IMPG1: variants seen among roughly 807,000 people sequenced by gnomAD.
The protein encoded by IMPG1 is interphotoreceptor matrix proteoglycan of 150 kDa.
Under a neutral mutation model 92.0 loss-of-function variants are expected in IMPG1, and 85 were observed. That is an observed-to-expected ratio of 0.92 (90% CI 0.78 to 1.11). IMPG1 has a LOEUF of 1.11. Among genes scored for constraint, IMPG1 ranks in the 50% least tolerant of loss-of-function variants. The probability of loss-of-function intolerance (pLI) is 0.00; values close to 1 mark genes in which losing one functional copy is unlikely to be tolerated. For missense variants in IMPG1, 1,022 were observed against 956.0 expected (o/e 1.07, Z -0.91); for synonymous variants, 367 against 334.1 (o/e 1.10, Z -1.08).
At chr6:76,067,371 C>A (rs1032656032) in intron 1 of IMPG1, among the ~76,000 whole-genome samples, 30 of 151,970 alleles carry the variant, frequency 2.0e-4, no homozygotes, top group African/African-American at 7.2e-4. Flanking sequence ...ACTGATACCA[C>A]AGAAATACAA....
chr6:76,059,058 T>C (rs1784164174), intron 1 of IMPG1, among the ~76,000 whole-genome samples: 1 of 152,164 alleles, frequency 6.6e-6, no homozygotes, highest in South Asian at 2.1e-4. Flanking sequence ...GAGGGACTGA[T>C]GTTTTGATAA....
At chr6:75,941,996 C>T (rs536312719) in intron 14 of IMPG1, among the ~76,000 whole-genome samples, 211 of 152,212 alleles carry the variant, frequency 1.4e-3, no homozygotes, top group Middle Eastern at 3.4e-3. Context: ...GTGGGAGGAC[C>T]TTCTTACCCT....
intron 12 of IMPG1, among the ~76,000 whole-genome samples, chr6:75,978,035 C>T (rs1782568526): frequency 6.6e-6 from 1 of 152,066 alleles, no homozygotes; most frequent in African/African-American, 2.4e-5. Flanking sequence ...AGCAGTCCTC[C>T]CGCCTTAGCT....
Position 75,924,737 on chromosome 6 carries a change from T to TATATA in IMPG1, c.2244-1036_2244-1032dup, listed in dbSNP as rs1313414369. 2.5e-4 allele frequency among the ~76,000 whole-genome samples: 16 copies of TATATA among 64,922 alleles called. 1 individual carries two copies. In the South Asian group the frequency reaches 7.2e-3, roughly 29 times the overall value. 42.6% of individuals were successfully genotyped at this position (64,922 alleles called of 152,430 possible). The stretch of plus-strand genomic sequence containing the variant: ...TAATATATAATATAATTATATATAA[T>TATATA]ATATAATATATAATATATCATATAA... On this transcript the variant is annotated intron_variant, in intron 15 of 16. Coordinates refer to ENST00000369950, the MANE Select transcript of IMPG1 (RefSeq NM_001563.4).
intron 15 of IMPG1, 111 bp downstream of exon 15, chr6:75,930,842 A>G (rs1781653905): frequency 1.0e-6 from 1 of 1,000,464 alleles, no homozygotes; most frequent in South Asian, 1.5e-5. Flanking sequence ...CACTCACTAA[A>G]GTTTAAAAAC....
At chr6:75,922,684 A>G (rs1582041963) in intron 16 of IMPG1, among the ~76,000 whole-genome samples, 2 of 152,300 alleles carry the variant, frequency 1.3e-5, no homozygotes, top group South Asian at 2.1e-4. Context: ...TTAGTTGGAC[A>G]TTTTGTCAAT....
chr6:75,980,617 C>A (rs955738731), intron 12 of IMPG1, among the ~76,000 whole-genome samples: 1 of 152,184 alleles, frequency 6.6e-6, no homozygotes, highest in African/African-American at 2.4e-5. Context: ...GTGCTGGGTG[C>A]TTTCTGCCCT....
chr6:76,072,324 C>A, intron 1 of IMPG1, 98 bp downstream of exon 1: 1 of 646,332 alleles, frequency 1.5e-6, no homozygotes, highest in South Asian at 2.0e-5. Flanking sequence ...TATACTAGCC[C>A]GTGAGATCAA....
intron 1 of IMPG1, among the ~76,000 whole-genome samples, chr6:76,042,394 T>C (rs1582125481): frequency 6.6e-6 from 1 of 152,076 alleles, no homozygotes; most frequent in East Asian, 1.9e-4. Context: ...TTGAAACCAT[T>C]TCCCACACAT....
chr6:76,059,529 A>T (rs1315606909), intron 1 of IMPG1, among the ~76,000 whole-genome samples: 1 of 152,188 alleles, frequency 6.6e-6, no homozygotes, highest in Non-Finnish European at 1.5e-5. Context: ...GCCCAGAACC[A>T]GCAGTCATCT....
chr6:76,044,765 G>A (rs1490416627), intron 1 of IMPG1, among the ~76,000 whole-genome samples: 1 of 152,062 alleles, frequency 6.6e-6, no homozygotes, highest in Non-Finnish European at 1.5e-5. Context: ...CTTGGGAAGA[G>A]TATCTACTCT....
chr6:76,024,872 G>C (rs780959229), intron 5 of IMPG1: 1 of 415,562 alleles, frequency 2.4e-6, no homozygotes, highest in South Asian at 1.8e-5. Context: ...TGGAAAAAAT[G>C]ATACAAACTC....
intron 2 of IMPG1, 44 bp downstream of exon 2, chr6:76,041,849 G>T: frequency 2.4e-6 from 3 of 1,265,692 alleles, no homozygotes; most frequent in Admixed American, 1.7e-5. Flanking sequence ...AAAGGGAAGG[G>T]ATGGAAATAA....
chr6:75,967,729 C>T (rs1425942363), intron 12 of IMPG1, among the ~76,000 whole-genome samples: 1 of 152,070 alleles, frequency 6.6e-6, no homozygotes, highest in Non-Finnish European at 1.5e-5. Flanking sequence ...GGAAGCCATA[C>T]AGAAATTGCC....
intron 1 of IMPG1, among the ~76,000 whole-genome samples, chr6:76,066,311 T>C (rs1381773156): frequency 6.6e-6 from 1 of 152,092 alleles, no homozygotes; most frequent in Non-Finnish European, 1.5e-5. Flanking sequence ...TCCAATGATG[T>C]GCTGCTTATA....
Position 76,022,191 on chromosome 6 carries a change from G to A in IMPG1, c.591C>T (p.Phe197=). ...TDVANVSLGP[F]PLTPDDTLLN... Reference sequence around the variant, plus strand: ...GGAGGGTGTCATCAGGAGTGAGAGGGAAAGGCCCAAGTGAGACGTTGGCAA... The same window carrying A: ...GGAGGGTGTCATCAGGAGTGAGAGGAAAAGGCCCAAGTGAGACGTTGGCAA... Residue 197 remains phenylalanine (F), a synonymous_variant, in exon 6 of 17, where the codon TTC becomes TTT. Coordinates refer to ENST00000369950, the MANE Select transcript of IMPG1 (RefSeq NM_001563.4). 16 of 1,594,506 alleles carry A rather than the reference G, an allele frequency of 1.0e-5. No homozygotes were observed. Among genetic ancestry groups the A allele is most frequent in the Non-Finnish European group, 1.3e-5 (15 of 1,166,470 alleles).
chr6:76,064,360 AT>A (rs766569533), intron 1 of IMPG1, among the ~76,000 whole-genome samples: 14 of 104,936 alleles, frequency 1.3e-4, no homozygotes, highest in East Asian at 3.0e-4. Flanking sequence ...TGGGGCAACC[AT>A]TTTTTTTTCT....
Position 76,035,328 on chromosome 6 carries a change from C to A in IMPG1, c.302-541G>T, listed in dbSNP as rs544682447. Among the ~76,000 whole-genome samples the A allele has an allele frequency of 1.8e-4, 28 of 151,876 alleles. No homozygotes were observed. In the Middle Eastern group the frequency reaches 0.01, roughly 55 times the overall value. ...GACCAGCCTCAACATGGAGAAAGCT[C>A]GTCTCTACTAAAAATACAAAATTAG... On this transcript the variant is annotated intron_variant, in intron 2 of 16. Transcript: ENST00000369950.
At chr6:75,996,790 A>G (rs188588970) in intron 12 of IMPG1, among the ~76,000 whole-genome samples, 44 of 152,246 alleles carry the variant, frequency 2.9e-4, no homozygotes, top group Non-Finnish European at 4.7e-4. Context: ...TATCACCTCA[A>G]CCCACAATAA....
Sources: gnomAD v4.1 joint callset for allele counts (sites outside exome capture counted in the v4.1 genomes callset) on GRCh38, gnomAD v4.1.1 for gene constraint, MANE v1.5 for transcripts, NCBI Gene and HGNC (gene_info 2026-07-23, HGNC 2026-07-21) for gene names.